Variants in ZDHHC2 observed in about 807,000 individuals in gnomAD.
ZDHHC2 encodes the protein palmitoyltransferase ZDHHC2.
In ZDHHC2, 51 loss-of-function variants were observed where a neutral mutation model predicts 55.6. The ratio of observed to expected loss-of-function variants is 0.92; its 90% confidence interval spans 0.73 to 1.16. The LOEUF (loss-of-function observed/expected upper bound fraction) is 1.16, where lower values mean the gene tolerates loss of function less well. ZDHHC2 is among the 50% of genes most tolerant of loss of function. The probability of loss-of-function intolerance (pLI) is 0.00; values close to 1 mark genes in which losing one functional copy is unlikely to be tolerated. For missense variants in ZDHHC2, 491 were observed against 442.4 expected, an observed-to-expected ratio of 1.11 and a Z score of -0.99; for synonymous variants, 199 against 152.9, an observed-to-expected ratio of 1.30 and a Z score of -2.22.
chr8:17,157,993 A>G (rs904885893), intron 1 of ZDHHC2, among the ~76,000 whole-genome samples: 1 of 152,206 alleles, frequency 6.6e-6, no homozygotes, highest in Non-Finnish European at 1.5e-5. Flanking sequence ...CATCAAAATA[A>G]TCACTGATGT....
In ZDHHC2 at chr8:17,194,375, G is replaced by A. The variant is rs568842353; in HGVS notation, c.253-1129G>A. Among the ~76,000 whole-genome samples, 188 of 146,698 alleles carry A rather than the reference G, an allele frequency of 1.3e-3. 1 individual carries two copies. Among genetic ancestry groups the A allele is most frequent in the Non-Finnish European group, 2.2e-3 (150 of 66,920 alleles). On this transcript the variant is annotated intron_variant, in intron 3 of 12. Transcript: ENST00000262096. ...ATATATATACAAAATATATAAGAAC[G>A]TATATATAATGCACTACTTAAAGAA...
rs1348242393 is a variant in ZDHHC2 at position 17,224,571 on chromosome 8, G to T, written c.*4350G>T. The T allele has an allele frequency of 6.6e-6, 1 of 151,424 alleles. No individual in the cohort carries two copies. Among genetic ancestry groups the T allele is most frequent in the Non-Finnish European group, 1.5e-5 (1 of 67,620 alleles). The allele number at this position is 151,424 out of a possible 1,614,324, so 9.4% of individuals were successfully genotyped here. On this transcript the variant is annotated 3_prime_UTR_variant, in exon 13 of 13. Transcript: ENST00000262096. ...AATGCTTAATATATTGCTTCTGTTT[G>T]ATTGATAAAGGTGCTTAATCAATTG...
intron 11 of ZDHHC2, among the ~76,000 whole-genome samples, chr8:17,215,871 G>A (rs1426324681): frequency 6.6e-6 from 1 of 152,134 alleles, no homozygotes; most frequent in African/African-American, 2.4e-5. Context: ...TCTTCAGTCA[G>A]TGTAGTTTGT....
chr8:17,219,465 A>C (rs1229861685), intron 12 of ZDHHC2, among the ~76,000 whole-genome samples: 1 of 151,768 alleles, frequency 6.6e-6, no homozygotes, highest in African/African-American at 2.4e-5. Flanking sequence ...TGGTATAAAT[A>C]AAAAATGCTG....
intron 1 of ZDHHC2, among the ~76,000 whole-genome samples, chr8:17,157,227 T>C (rs1358609731): frequency 1.3e-5 from 2 of 152,130 alleles, no homozygotes; most frequent in African/African-American, 4.8e-5. Flanking sequence ...AGGGCTGAGC[T>C]GGGCCCGGCC....
chr8:17,200,409 G>C (rs1043263170), intron 6 of ZDHHC2, among the ~76,000 whole-genome samples: 7 of 152,156 alleles, frequency 4.6e-5, no homozygotes, highest in South Asian at 4.1e-4. Flanking sequence ...AGTCTGCTTT[G>C]GGGTAAACCC....
intron 3 of ZDHHC2, among the ~76,000 whole-genome samples, chr8:17,188,576 C>T (rs1056447235): frequency 6.6e-6 from 1 of 152,138 alleles, no homozygotes; most frequent in Non-Finnish European, 1.5e-5. Flanking sequence ...AGCTCCTAGA[C>T]TGCCAAAGCA....
chr8:17,207,053 A>G (rs1464545779), intron 7 of ZDHHC2, among the ~76,000 whole-genome samples: 1 of 152,178 alleles, frequency 6.6e-6, no homozygotes, highest in Non-Finnish European at 1.5e-5. Flanking sequence ...CCTGTGGATG[A>G]TTTTAGTTTC....
At chr8:17,183,805 G>A (rs1234504516) in intron 1 of ZDHHC2, among the ~76,000 whole-genome samples, 1 of 152,058 alleles carries the variant, frequency 6.6e-6, no homozygotes, top group African/African-American at 2.4e-5. Flanking sequence ...ACAGTGGAAC[G>A]GGCTGCCCTC....
Position 17,199,509 on chromosome 8 carries a change from T to TTCTTCGTCTTCGTCTTCG in ZDHHC2, c.476+1102_476+1119dup, listed in dbSNP as rs1554466017. On this transcript the variant is annotated intron_variant, in intron 6 of 12. Coordinates refer to ENST00000262096, the MANE Select transcript of ZDHHC2 (RefSeq NM_016353.5). ...CTTCTTCTTCTTCTTCTTCTTCTTC[T>TTCTTCGTCTTCGTCTTCG]TCTTCGTCTTCGTCTTCGTCTTCTG... Among the ~76,000 whole-genome samples, 679 of 121,124 alleles carry TTCTTCGTCTTCGTCTTCG rather than the reference T, an allele frequency of 5.6e-3. 25 individuals are homozygous for TTCTTCGTCTTCGTCTTCG. Among genetic ancestry groups the TTCTTCGTCTTCGTCTTCG allele is most frequent in the South Asian group, 0.013 (46 of 3,532 alleles). The allele number at this position is 121,124 out of a possible 152,430, so 79.5% of individuals were successfully genotyped here. A position where few individuals can be genotyped will look rare whatever the true frequency, so the allele number is the denominator to read the frequency against.
chr8:17,171,732 C>G (rs1404308401), intron 1 of ZDHHC2, among the ~76,000 whole-genome samples: 2 of 151,590 alleles, frequency 1.3e-5, no homozygotes, highest in East Asian at 3.9e-4. Context: ...ATGGATGAAC[C>G]TGGAAGACAT....
intron 6 of ZDHHC2, among the ~76,000 whole-genome samples, chr8:17,199,645 T>TCCTCCTCCCTCCTC (rs374657869): frequency 1.8e-5 from 1 of 55,724 alleles, no homozygotes; most frequent in Non-Finnish European, 8.2e-5. Context: ...CTTCTCCTCC[T>TCCTCCTCCCTCCTC]CCTCCTCCCT....
At chr8:17,185,252 A>T (rs538038997) in intron 2 of ZDHHC2, among the ~76,000 whole-genome samples, 1 of 152,380 alleles carries the variant, frequency 6.6e-6, no homozygotes, top group Non-Finnish European at 1.5e-5. Context: ...TTAAAATGCC[A>T]AATATGCTAT....
chr8:17,185,753 A>G (rs1387903723), intron 2 of ZDHHC2, among the ~76,000 whole-genome samples: 1 of 152,230 alleles, frequency 6.6e-6, no homozygotes. Flanking sequence ...TACTGAAAAA[A>G]GTATTCAGAA....
intron 5 of ZDHHC2, 39 bp downstream of exon 5, chr8:17,197,690 G>C (rs752867260): frequency 6.4e-7 from 1 of 1,565,862 alleles, no homozygotes; most frequent in Admixed American, 1.7e-5. Context: ...CTACATGCTG[G>C]TGGTCTTTTT....
rs192918893 is a variant in ZDHHC2 at position 17,210,786 on chromosome 8, G to A, written c.950+306G>A. Among the ~76,000 whole-genome samples the A allele has an allele frequency of 3.7e-4, 56 of 152,206 alleles. 1 individual carries two copies. Among genetic ancestry groups the A allele is most frequent in the African/African-American group, 1.3e-3 (55 of 41,534 alleles). The stretch of plus-strand genomic sequence containing the variant: ...GAAAAAAAAATGTAAGTCAAAATTA[G>A]CTACCCACTGCTCAGGTAGGCAGAC... On this transcript the variant is annotated intron_variant, in intron 10 of 12. Coordinates refer to ENST00000262096, the MANE Select transcript of ZDHHC2 (RefSeq NM_016353.5).
intron 1 of ZDHHC2, among the ~76,000 whole-genome samples, chr8:17,180,422 G>A (rs945937354): frequency 4.6e-5 from 7 of 151,956 alleles, no homozygotes; most frequent in Non-Finnish European, 8.8e-5. Context: ...ATTTTCACTC[G>A]CCAAGTCTAT....
intron 1 of ZDHHC2, among the ~76,000 whole-genome samples, chr8:17,159,481 A>G (rs895811726): frequency 6.6e-6 from 1 of 152,164 alleles, no homozygotes; most frequent in Non-Finnish European, 1.5e-5. Flanking sequence ...CCTTTGCTGA[A>G]TGAACTGCAA....
At chr8:17,157,782 G>T (rs1003743647) in intron 1 of ZDHHC2, among the ~76,000 whole-genome samples, 1 of 152,164 alleles carries the variant, frequency 6.6e-6, no homozygotes, top group Non-Finnish European at 1.5e-5. Flanking sequence ...TGTGTTTGGT[G>T]CTCCACCTAA....
Sources: gnomAD v4.1 joint callset for allele counts (sites outside exome capture counted in the v4.1 genomes callset) on GRCh38, gnomAD v4.1.1 for gene constraint, MANE v1.5 for transcripts, NCBI Gene and HGNC (gene_info 2026-07-23, HGNC 2026-07-21) for gene names.